The following CCDC134 variants were observed in gnomAD, a reference collection of about 807,000 sequenced individuals.
The protein encoded by CCDC134 is coiled-coil domain-containing protein 134.
A neutral mutation model predicts 25.6 loss-of-function variants in CCDC134; 27 were observed. The ratio of observed to expected loss-of-function variants is 1.05; its 90% confidence interval spans 0.78 to 1.45. CCDC134 has a LOEUF of 1.45. CCDC134 is among the 40% of genes most tolerant of loss of function. CCDC134 has a pLI of 0.00. For missense variants in CCDC134, 261 were observed against 286.7 expected, an observed-to-expected ratio of 0.91 and a Z score of 0.65; for synonymous variants, 110 against 115.0, an observed-to-expected ratio of 0.96 and a Z score of 0.28.
Position 41,825,911 on chromosome 22 carries a change from A to G in CCDC134, c.*88A>G. The stretch of plus-strand genomic sequence containing the variant: ...AGGTGTGGTTGTGGTGGAGAGCACC[A>G]GCTAGCCCCTTCCAGAAGGGGAGGC... On this transcript the variant is annotated 3_prime_UTR_variant, in exon 7 of 7. Coordinates refer to ENST00000255784, the MANE Select transcript of CCDC134 (RefSeq NM_024821.5). The surrounding 1 kb of genome is among the most constrained non-coding windows in gnomAD (Gnocchi z 4.4). 9.7e-6 allele frequency: 15 copies of G among 1,545,448 alleles called. No individual in the cohort carries two copies. Among genetic ancestry groups the G allele is most frequent in the Non-Finnish European group, 1.2e-5 (14 of 1,140,596 alleles).
intron 6 of CCDC134, among the ~76,000 whole-genome samples, chr22:41,820,990 G>A (rs981358970): frequency 6.6e-6 from 1 of 152,136 alleles, no homozygotes; most frequent in African/African-American, 2.4e-5. Context: ...TGGAGATAGA[G>A]GTTGAAGGAC....
At chr22:41,807,888 G>T (rs937417497) in intron 1 of CCDC134, among the ~76,000 whole-genome samples, 1 of 152,038 alleles carries the variant, frequency 6.6e-6, no homozygotes, top group Non-Finnish European at 1.5e-5. Flanking sequence ...AGGGCCGGGC[G>T]CGGTGGCTCA....
At chr22:41,811,674 C>T (rs910237759) in intron 4 of CCDC134, among the ~76,000 whole-genome samples, 9 of 152,090 alleles carry the variant, frequency 5.9e-5, no homozygotes, top group Non-Finnish European at 1.2e-4. Flanking sequence ...AGTGATCTAC[C>T]CGCCATGTGG....
chr22:41,802,231 C>T (rs1188060426), intron 1 of CCDC134, among the ~76,000 whole-genome samples: 1 of 152,182 alleles, frequency 6.6e-6, no homozygotes, highest in Non-Finnish European at 1.5e-5. Context: ...ACAAACGACT[C>T]TGTTTTGATT....
chr22:41,824,968 G>C (rs1361214057), intron 6 of CCDC134, among the ~76,000 whole-genome samples: 1 of 152,078 alleles, frequency 6.6e-6, no homozygotes, highest in Non-Finnish European at 1.5e-5. Context: ...CTTGGTGATG[G>C]ACCCGAGGAG....
chr22:41,808,178 T>A (rs1255562391), intron 1 of CCDC134, among the ~76,000 whole-genome samples: 4 of 151,874 alleles, frequency 2.6e-5, no homozygotes, highest in East Asian at 1.9e-4. Context: ...AAAAATTAAA[T>A]TAAAATAAAT....
At chr22:41,818,072 C>G (rs1467289841) in intron 6 of CCDC134, among the ~76,000 whole-genome samples, 1 of 152,174 alleles carries the variant, frequency 6.6e-6, no homozygotes, top group Non-Finnish European at 1.5e-5. Flanking sequence ...TGGTCATATT[C>G]ATGGCCACGA....
At chr22:41,814,155 C>G (rs1384855720) in intron 6 of CCDC134, among the ~76,000 whole-genome samples, 1 of 152,202 alleles carries the variant, frequency 6.6e-6, no homozygotes, top group Non-Finnish European at 1.5e-5. Context: ...TCTTCCCTGC[C>G]TTTGAACCTC....
chr22:41,817,142 C>G (rs1196196937), intron 6 of CCDC134, among the ~76,000 whole-genome samples: 1 of 152,162 alleles, frequency 6.6e-6, no homozygotes, highest in Admixed American at 6.6e-5. Context: ...CAAGTGGTCA[C>G]AATCCTAACA....
intron 4 of CCDC134, among the ~76,000 whole-genome samples, chr22:41,811,408 C>A (rs1359362382): frequency 6.6e-6 from 1 of 152,130 alleles, no homozygotes; most frequent in Non-Finnish European, 1.5e-5. Flanking sequence ...TTGCAGACGA[C>A]AATGCTTGTA....
Position 41,826,668 on chromosome 22 carries a change from A to G in CCDC134, c.*845A>G, listed in dbSNP as rs1171404655. Among the ~76,000 whole-genome samples the G allele has an allele frequency of 1.3e-5, 2 of 152,158 alleles. No homozygotes were observed. Among genetic ancestry groups the G allele is most frequent in the African/African-American group, 4.8e-5 (2 of 41,434 alleles). On this transcript the variant is annotated 3_prime_UTR_variant, in exon 7 of 7. Transcript: ENST00000255784. ...GGGGGGCTGCAGGGGGACAGGCCGC[A>G]GCCCTGCAGGAGGCCGTGCTCCGCA...
intron 6 of CCDC134, among the ~76,000 whole-genome samples, chr22:41,819,955 T>G: frequency 8.7e-6 from 1 of 114,326 alleles, no homozygotes; most frequent in Non-Finnish European, 1.7e-5. Flanking sequence ...AGGCTGTGAC[T>G]TACCACTTTA....
At position 41,831,443 on chromosome 22, in the gene CCDC134, T is replaced by TC. The variant is rs2076709436; in HGVS notation, c.*5622dup. The TC allele has an allele frequency of 1.3e-5, 2 of 152,272 alleles. No individual in the cohort carries two copies. The highest frequency in any genetic ancestry group is 6.5e-5 in the Admixed American group (1 of 15,286). The allele number at this position is 152,272 out of a possible 1,614,324, so 9.4% of individuals were successfully genotyped here. ...CTCAAATGATCTGCACACCTCGGCC[T>TC]CCTAAAGTGCTGGAATTACCGGTGT... On this transcript the variant is annotated 3_prime_UTR_variant, in exon 7 of 7. Transcript: ENST00000255784.
At chr22:41,803,331 G>A (rs1235474703) in intron 1 of CCDC134, among the ~76,000 whole-genome samples, 6 of 152,130 alleles carry the variant, frequency 3.9e-5, no homozygotes, top group Admixed American at 3.9e-4. Context: ...GGCTCTCAAG[G>A]TATGTCTACC....
chr22:41,804,984 C>T (rs561530810), intron 1 of CCDC134, among the ~76,000 whole-genome samples: 1 of 152,320 alleles, frequency 6.6e-6, no homozygotes, highest in African/African-American at 2.4e-5. Flanking sequence ...GCGCAAGAAT[C>T]ACTTGAACCT....
chr22:41,805,575 A>C (rs920125966), intron 1 of CCDC134, among the ~76,000 whole-genome samples: 1 of 152,218 alleles, frequency 6.6e-6, no homozygotes, highest in African/African-American at 2.4e-5. Context: ...TTAAGAGAAA[A>C]AGTTTCCTTA....
Position 41,825,004 on chromosome 22 carries a change from G to A in CCDC134, c.565-694G>A, listed in dbSNP as rs1376257820. ...GGAGAGGGAATGCCGGGTGCAGGTGGGGCTCCTCGGTTTCTGCCCTGCTGC... is the reference window on the plus strand; with the variant it reads ...GGAGAGGGAATGCCGGGTGCAGGTGAGGCTCCTCGGTTTCTGCCCTGCTGC... On this transcript the variant is annotated intron_variant, in intron 6 of 6. Transcript: ENST00000255784. This position sits in a 1 kb window ranked among gnomAD's most constrained non-coding sequence, Gnocchi z 4.4. Among the ~76,000 whole-genome samples, 1 of 152,062 alleles carries A rather than the reference G, an allele frequency of 6.6e-6. No individual in the cohort carries two copies. The highest frequency in any genetic ancestry group is 6.5e-5 in the Admixed American group (1 of 15,270).
At chr22:41,813,557 G>C (rs2076608034) in intron 5 of CCDC134, 112 bp downstream of exon 5, 1 of 1,349,116 alleles carries the variant, frequency 7.4e-7, no homozygotes, top group African/African-American at 1.5e-5. Context: ...CATTTTCTTT[G>C]TGGAGCTTCA....
chr22:41,809,208 A>G (rs774702149), intron 2 of CCDC134, among the ~76,000 whole-genome samples: 3 of 152,182 alleles, frequency 2.0e-5, no homozygotes, highest in Non-Finnish European at 4.4e-5. Context: ...CTAGACTGCA[A>G]AGGCTCAGTG....
Sources: gnomAD v4.1 joint callset for allele counts (sites outside exome capture counted in the v4.1 genomes callset) on GRCh38, gnomAD v4.1.1 for gene constraint, Gnocchi (gnomAD v3.1) non-coding constraint, MANE v1.5 for transcripts, NCBI Gene and HGNC (gene_info 2026-07-23, HGNC 2026-07-21) for gene names.